The following IGSF11 variants were observed in gnomAD, a reference collection of about 807,000 sequenced individuals.
IGSF11 encodes the protein immunoglobulin superfamily member 11.
IGSF11 carries 22 observed loss-of-function variants against 41.0 expected under a neutral mutation model. The ratio of observed to expected loss-of-function variants is 0.54; its 90% CI spans 0.38 to 0.77. The LOEUF (loss-of-function observed/expected upper bound fraction) is 0.77. Ranked by LOEUF, IGSF11 falls within the 30% of genes least tolerant of loss-of-function variation. The pLI, the probability that IGSF11 is intolerant of heterozygous loss-of-function variation, is 0.00. For missense variants in IGSF11, 444 were observed against 530.8 expected, an observed-to-expected ratio of 0.84 and a Z score of 1.61; for synonymous variants, 219 against 201.3, an observed-to-expected ratio of 1.09 and a Z score of -0.74.
intron 1 of IGSF11, among the ~76,000 whole-genome samples, chr3:119,017,985 T>C (rs1938913889): frequency 6.6e-6 from 1 of 152,092 alleles, no homozygotes; most frequent in South Asian, 2.1e-4. Flanking sequence ...TTTCTCCATG[T>C]TGGTAAGAAC....
chr3:119,016,774 A>G (rs961666899), intron 1 of IGSF11, among the ~76,000 whole-genome samples: 1 of 152,016 alleles, frequency 6.6e-6, no homozygotes, highest in African/African-American at 2.4e-5. Context: ...CTCCCTCCCC[A>G]GTCTTGTGTA....
At chr3:119,074,941 A>G (rs931342992) in intron 1 of IGSF11, among the ~76,000 whole-genome samples, 2 of 152,190 alleles carry the variant, frequency 1.3e-5, no homozygotes, top group African/African-American at 4.8e-5. Flanking sequence ...AAACAAGAGC[A>G]AACCAATACC....
Position 118,905,731 on chromosome 3 carries a change from T to A in IGSF11, c.581-13A>T, listed in dbSNP as rs377207568. On this transcript the variant is annotated splice_polypyrimidine_tract_variant and intron_variant, in intron 4 of 6. Transcript: ENST00000393775. ...CCCTGGACCTGGTCTGTCACAAAAA[T>A]AATAACCGAGTGAGGATTTGGCGGG... The A allele has an allele frequency of 2.5e-6, 4 of 1,612,908 alleles. No individual in the cohort carries two copies. The highest frequency in any genetic ancestry group is 2.5e-6 in the Non-Finnish European group (3 of 1,179,360).
intron 1 of IGSF11, among the ~76,000 whole-genome samples, chr3:119,101,297 G>A (rs1429250164): frequency 6.6e-6 from 1 of 152,114 alleles, no homozygotes; most frequent in Non-Finnish European, 1.5e-5. Flanking sequence ...ATTACCTGAG[G>A]TCGGGAGTTC....
chr3:119,101,734 C>T (rs1477973586), intron 1 of IGSF11, among the ~76,000 whole-genome samples: 1 of 152,206 alleles, frequency 6.6e-6, no homozygotes, highest in Non-Finnish European at 1.5e-5. Flanking sequence ...TAATTTCTCA[C>T]ATTTGCAAAT....
At chr3:119,058,465 C>T (rs1403373148) in intron 1 of IGSF11, among the ~76,000 whole-genome samples, 2 of 151,542 alleles carry the variant, frequency 1.3e-5, no homozygotes, top group East Asian at 3.9e-4. Context: ...ATTAAAAAGT[C>T]AGGAAACAAC....
chr3:119,086,091 T>G (rs2076667795), intron 1 of IGSF11, among the ~76,000 whole-genome samples: 1 of 152,190 alleles, frequency 6.6e-6, no homozygotes, highest in Admixed American at 6.5e-5. Context: ...GAGAGGATAT[T>G]TCCTGTTACA....
intron 1 of IGSF11, among the ~76,000 whole-genome samples, chr3:119,041,756 A>G (rs1243984576): frequency 6.6e-6 from 1 of 152,208 alleles, no homozygotes; most frequent in Non-Finnish European, 1.5e-5. Context: ...AAATAAGCAG[A>G]AAACGTGGAT....
In IGSF11 at chr3:118,901,715, C is replaced by A. The variant is rs1412701231; in HGVS notation, c.*805G>T. 1 of 150,050 alleles carries A rather than the reference C, an allele frequency of 6.7e-6. No individual in the cohort carries two copies. Among genetic ancestry groups the A allele is most frequent in the Admixed American group, 6.7e-5 (1 of 14,988 alleles). The allele number at this position is 150,050 out of a possible 1,614,324, so 9.3% of individuals were successfully genotyped here. On this transcript the variant is annotated 3_prime_UTR_variant, in exon 7 of 7. Transcript: ENST00000393775. ...ATTGAACAAGGTATTATACAACAGT[C>A]TTTTCTTTCTTAGCCCAATGCCTCT...
At chr3:119,083,414 A>G (rs1050255571) in intron 1 of IGSF11, among the ~76,000 whole-genome samples, 2 of 151,988 alleles carry the variant, frequency 1.3e-5, no homozygotes, top group South Asian at 2.1e-4. Context: ...GACTATTTCT[A>G]TGTAGTAGTT....
chr3:119,055,083 T>G (rs550063792), intron 1 of IGSF11, among the ~76,000 whole-genome samples: 2 of 152,300 alleles, frequency 1.3e-5, no homozygotes, highest in South Asian at 4.1e-4. Context: ...GGAGTGGACC[T>G]CCAGCAAAAT....
rs540630518 is a variant in IGSF11 at position 119,055,013 on chromosome 3, G to A, written c.49+50131C>T. Among the ~76,000 whole-genome samples the A allele has an allele frequency of 1.6e-3, 238 of 152,268 alleles. 1 individual carries two copies. The highest frequency in any genetic ancestry group is 5.1e-3 in the African/African-American group (212 of 41,550). Reference sequence around the variant, plus strand: ...GGAACAATCAGGCAGCAGCATTGGCGGTTCACCAATATCCGTTGTTCTGCA... The same window carrying A: ...GGAACAATCAGGCAGCAGCATTGGCAGTTCACCAATATCCGTTGTTCTGCA... On this transcript the variant is annotated intron_variant, in intron 1 of 6. Coordinates refer to the IGSF11 transcript ENST00000354673.
intron 1 of IGSF11, among the ~76,000 whole-genome samples, chr3:118,978,377 A>C (rs529853471): frequency 2.0e-5 from 3 of 152,102 alleles, no homozygotes; most frequent in African/African-American, 7.2e-5. Context: ...TGCCACTGCC[A>C]TTGCTCATGC....
intron 1 of IGSF11, among the ~76,000 whole-genome samples, chr3:119,024,845 G>A (rs1205005580): frequency 6.6e-6 from 1 of 151,926 alleles, no homozygotes; most frequent in Non-Finnish European, 1.5e-5. Flanking sequence ...TCAAGTTAAA[G>A]GATTAGAATA....
At chr3:119,064,484 T>A (rs539018130) in intron 1 of IGSF11, among the ~76,000 whole-genome samples, 52 of 151,478 alleles carry the variant, frequency 3.4e-4, no homozygotes, top group Non-Finnish European at 5.9e-4. Context: ...CCTCCAGCTT[T>A]GTTCTTCTGA....
intron 1 of IGSF11, among the ~76,000 whole-genome samples, chr3:119,018,134 T>G (rs945045329): frequency 6.6e-6 from 1 of 152,188 alleles, no homozygotes; most frequent in Non-Finnish European, 1.5e-5. Context: ...TTGATACAAA[T>G]TAAAATTGTA....
In IGSF11 at chr3:119,082,656, C is replaced by T. The variant is rs184683223; in HGVS notation, c.49+22488G>A. On this transcript the variant is annotated intron_variant, in intron 1 of 6. Coordinates refer to the IGSF11 transcript ENST00000354673. ...AGTTCAATAGCAATCATACTCATCACTTAGTATGTCAGATTAATGTCACTG... is the reference window on the plus strand; with the variant it reads ...AGTTCAATAGCAATCATACTCATCATTTAGTATGTCAGATTAATGTCACTG... 3.0e-4 allele frequency among the ~76,000 whole-genome samples: 46 copies of T among 152,284 alleles called. 1 individual carries two copies. The highest frequency in any genetic ancestry group is 7.8e-4 in the Admixed American group (12 of 15,294).
At position 118,901,993 on chromosome 3, in the gene IGSF11, T is replaced by C. The variant is rs1050313111; in HGVS notation, c.*527A>G. 6.6e-6 allele frequency: 1 copy of C among 152,264 alleles called. No homozygotes were observed. Among genetic ancestry groups the C allele is most frequent in the Non-Finnish European group, 1.5e-5 (1 of 68,094 alleles). 9.4% of individuals were successfully genotyped at this position (152,264 alleles called of 1,614,324 possible). A position where few individuals can be genotyped will look rare whatever the true frequency, so the allele number is the denominator to read the frequency against. On this transcript the variant is annotated 3_prime_UTR_variant, in exon 7 of 7. Transcript: ENST00000393775. The stretch of plus-strand genomic sequence containing the variant: ...CTGAATTTTGCTCATGTAAAAAGTT[T>C]TGATTATATGATAGAAGAGTCAGCC...
At position 118,904,635 on chromosome 3, in the gene IGSF11, C is replaced by G; in HGVS notation, c.854+13G>C. Reference sequence around the variant, plus strand: ...GCTATGCAGGACAAATTTTAAAAATCTGACATACAAACCTTATTTCATTAG... The same window carrying G: ...GCTATGCAGGACAAATTTTAAAAATGTGACATACAAACCTTATTTCATTAG... On this transcript the variant is annotated intron_variant, in intron 6 of 6. Transcript: ENST00000393775. 1 of 1,592,678 alleles carries G rather than the reference C, an allele frequency of 6.3e-7. No homozygotes were observed. Among genetic ancestry groups the G allele is most frequent in the Non-Finnish European group, 8.6e-7 (1 of 1,166,386 alleles).
Sources: allele counts gnomAD v4.1 joint callset (sites outside exome capture counted in the v4.1 genomes callset), GRCh38; gene constraint gnomAD v4.1.1; transcripts MANE v1.5; gene names NCBI Gene and HGNC (gene_info 2026-07-23, HGNC 2026-07-21).